DMD: variants seen among roughly 807,000 people sequenced by gnomAD.
The protein encoded by DMD is dystrophin, also known as mutant dystrophin.
DMD carries 63 observed loss-of-function variants against 330.1 expected under a neutral mutation model. The observed-to-expected ratio is 0.19, with a 90% CI of 0.16 to 0.24. DMD has a LOEUF of 0.24. Ranked by LOEUF, DMD falls within the 10% of genes least tolerant of loss-of-function variation. DMD has a pLI of 1.00. For synonymous variants in DMD, 1,223 were observed against 959.8 expected (o/e 1.27, Z -5.07); for missense variants, 3,344 against 2,684.1 (o/e 1.25, Z -5.43).
intron 62 of DMD, among the ~76,000 whole-genome samples, chrX:31,283,697 A>C (rs2052802590): frequency 8.9e-6 from 1 of 111,923 alleles, no homozygotes; most frequent in Admixed American, 9.5e-5. Context: ...TATACAGAGA[A>C]AGAAGAAAAT....
intron 2 of DMD, among the ~76,000 whole-genome samples, chrX:32,949,357 G>C (rs1279602313): frequency 2.4e-5 from 2 of 82,557 alleles, no homozygotes; most frequent in Non-Finnish European, 4.4e-5. Context: ...TAGATAGATA[G>C]ATAGATAGAT....
chrX:31,206,906 C>T (rs1423505028), intron 65 of DMD, among the ~76,000 whole-genome samples: 4 of 110,715 alleles, frequency 3.6e-5, no homozygotes, highest in African/African-American at 9.8e-5. Context: ...TGAATGTTTA[C>T]CAAGTTTCAA....
Position 32,177,550 on chromosome X carries a change from A to G in DMD, c.6438+39366T>C. Among the ~76,000 whole-genome samples the G allele has an allele frequency of 2.7e-5, 3 of 111,623 alleles. 1 individual carries two copies. In the Middle Eastern group the frequency reaches 0.014, roughly 517 times the overall value. On this transcript the variant is annotated intron_variant, in intron 44 of 78. Transcript: ENST00000357033. Reference sequence around the variant, plus strand: ...GGCCAAGTCTATATCACTTCTTCACAGAAGCTTTTGGTGACCCAGATACTA... The same window carrying G: ...GGCCAAGTCTATATCACTTCTTCACGGAAGCTTTTGGTGACCCAGATACTA...
intron 1 of DMD, among the ~76,000 whole-genome samples, chrX:33,251,094 T>C (rs905660304): frequency 8.1e-5 from 9 of 111,416 alleles, no homozygotes; most frequent in African/African-American, 2.9e-4. Flanking sequence ...TTTGGAATTA[T>C]ATATTACTAT....
intron 1 of DMD, among the ~76,000 whole-genome samples, chrX:33,127,318 T>C (rs1157206857): frequency 9.0e-6 from 1 of 111,358 alleles, no homozygotes; most frequent in East Asian, 2.8e-4. Context: ...ACAGAATATA[T>C]GCTAATTTAG....
At chrX:31,499,325 C>A (rs1228291549) in intron 56 of DMD, among the ~76,000 whole-genome samples, 2 of 110,450 alleles carry the variant, frequency 1.8e-5, no homozygotes, top group African/African-American at 6.6e-5. Flanking sequence ...TAGTGAAGGG[C>A]AGGCTGCCTA....
At chrX:32,310,356 A>T in intron 41 of DMD, 80 bp from the exon 42 acceptor site, 1 of 788,247 alleles carries the variant, frequency 1.3e-6, no homozygotes, top group Non-Finnish European at 1.9e-6. Context: ...TATAGGTCTC[A>T]TTCTACAGCT....
intron 1 of DMD, among the ~76,000 whole-genome samples, chrX:33,196,128 A>AT (rs2050919392): frequency 8.9e-6 from 1 of 112,118 alleles, no homozygotes; most frequent in African/African-American, 3.2e-5. Flanking sequence ...ATAAGGAAAG[A>AT]TAAAAATAAT....
chrX:32,482,732 G>T (rs896828863), intron 21 of DMD, among the ~76,000 whole-genome samples: 1 of 111,471 alleles, frequency 9.0e-6, no homozygotes. Flanking sequence ...CTCTCTGAGG[G>T]TTAGGTAAAA....
At chrX:32,991,987 T>C (rs2092990856) in intron 2 of DMD, among the ~76,000 whole-genome samples, 1 of 112,389 alleles carries the variant, frequency 8.9e-6, no homozygotes, top group African/African-American at 3.2e-5. Flanking sequence ...CTTGAAACTT[T>C]GGCAAAACTA....
In DMD at chrX:31,432,508, G is replaced by A. The variant is rs759209338; in HGVS notation, c.9084+11973C>T. ...TTTATAACATTTGATAGTTTCGGAA[G>A]CAGTTTCACAGACCTTATCTCATTG... is the stretch of plus-strand genomic sequence containing the variant. On this transcript the variant is annotated intron_variant, in intron 60 of 78. Transcript: ENST00000357033. 9.5e-4 allele frequency among the ~76,000 whole-genome samples: 107 copies of A among 112,629 alleles called. 3 individuals are homozygous for A. The highest frequency in any genetic ancestry group is 1.1e-3 in the Non-Finnish European group (58 of 53,324).
In DMD at chrX:32,565,724, T is replaced by C. The variant is rs1243445331; in HGVS notation, c.1970A>G (p.Lys657Arg). ...AACCTGTGCTGTACTCTTTTCAAGTTTTTGGACTAAATTATCCCAACACCG... is the reference window on the plus strand; with the variant it reads ...AACCTGTGCTGTACTCTTTTCAAGTCTTTGGACTAAATTATCCCAACACCG... ...FARCWDNLVQ[K>R]LEKSTAQISQ... Residue 657 changes from lysine (K) to arginine (R), a missense_variant, in exon 16 of 79, where the codon AAA becomes AGA. Physicochemically the swap from Lys to Arg is conservative, Grantham distance 26. Coordinates refer to ENST00000357033, the MANE Select transcript of DMD (RefSeq NM_004006.3). The C allele has an allele frequency of 8.3e-7, 1 of 1,210,085 alleles. No homozygotes were observed. Among genetic ancestry groups the C allele is most frequent in the Non-Finnish European group, 1.1e-6 (1 of 895,195 alleles).
intron 54 of DMD, among the ~76,000 whole-genome samples, chrX:31,631,953 G>C (rs2079154494): frequency 9.0e-6 from 1 of 111,352 alleles, no homozygotes; most frequent in African/African-American, 3.3e-5. Context: ...GAGCTATAAA[G>C]CTTAGTGCAA....
chrX:31,476,507 T>C (rs1299392472), intron 59 of DMD, among the ~76,000 whole-genome samples: 1 of 72,463 alleles, frequency 1.4e-5, no homozygotes, highest in Non-Finnish European at 2.5e-5. Flanking sequence ...TGCCATCACA[T>C]ATATATATAT....
In DMD at chrX:33,241,590, T is replaced by C. The variant is rs753983427; in HGVS notation, c.7+97669A>G. Reference sequence around the variant, plus strand: ...ATGTCACTGGTGTTTTGATAAAGATTGCATTGACTGTAGAAAGCTTTGGGT... The same window carrying C: ...ATGTCACTGGTGTTTTGATAAAGATCGCATTGACTGTAGAAAGCTTTGGGT... On this transcript the variant is annotated intron_variant, in intron 1 of 17. Coordinates refer to the DMD transcript ENST00000288447. Among the ~76,000 whole-genome samples the C allele has an allele frequency of 2.7e-5, 3 of 112,349 alleles. No individual in the cohort carries two copies. The South Asian group carries it at 1.1e-3, about 41-fold the overall frequency.
Position 32,677,790 on chromosome X carries a change from A to C in DMD, c.960+20080T>G, listed in dbSNP as rs72626048. On this transcript the variant is annotated intron_variant, in intron 9 of 78. Transcript: ENST00000357033. ...AAAGAGCAAAATATCAGGATCTCAA[A>C]GAGCTATTAGCACTCCAGTGCTCAT... 1.9e-3 allele frequency among the ~76,000 whole-genome samples: 210 copies of C among 112,129 alleles called. 1 individual carries two copies. In the East Asian group the frequency reaches 0.048, roughly 26 times the overall value.
chrX:31,822,653 GGTGTGTGTGT>G (rs1556919105), intron 49 of DMD, among the ~76,000 whole-genome samples: 12 of 65,809 alleles, frequency 1.8e-4, no homozygotes, highest in Non-Finnish European at 2.6e-4. Flanking sequence ...AAGGCAGAGG[GGTGTGTGTGT>G]GTGTGTGTGT....
At chrX:32,678,815 C>A (rs1261115478) in intron 9 of DMD, among the ~76,000 whole-genome samples, 1 of 111,628 alleles carries the variant, frequency 9.0e-6, no homozygotes, top group Admixed American at 9.6e-5. Context: ...GTGAATAATT[C>A]TAATAAATAA....
At chrX:32,082,433 T>TATCTATC (rs1557119387) in intron 44 of DMD, among the ~76,000 whole-genome samples, 3 of 109,708 alleles carry the variant, frequency 2.7e-5, no homozygotes, top group Non-Finnish European at 5.7e-5. Flanking sequence ...TCTATCTATC[T>TATCTATC]ATCTATTTTG....
Sources: gnomAD v4.1 joint callset for allele counts (sites outside exome capture counted in the v4.1 genomes callset) on GRCh38, gnomAD v4.1.1 for gene constraint, MANE v1.5 for transcripts, NCBI Gene and HGNC (gene_info 2026-07-23, HGNC 2026-07-21) for gene names.